Variants in ZBTB40 observed in about 807,000 individuals in gnomAD.
ZBTB40 encodes zinc finger and BTB domain containing 40.
ZBTB40 carries 60 observed loss-of-function variants against 117.5 expected under a neutral mutation model. The ratio of observed to expected loss-of-function variants is 0.51; its 90% CI spans 0.41 to 0.63. ZBTB40 has a LOEUF of 0.63. ZBTB40 is among the 30% of genes least tolerant of loss of function. The probability of loss-of-function intolerance (pLI) is 0.00; values close to 1 mark genes in which losing one functional copy is unlikely to be tolerated. For synonymous variants in ZBTB40, 525 were observed against 577.1 expected (o/e 0.91, Z 1.29); for missense variants, 1,287 against 1,498.5 (o/e 0.86, Z 2.33).
At chr1:22,436,707 C>A (rs770642970) in intron 1 of ZBTB40, among the ~76,000 whole-genome samples, 2 of 151,908 alleles carry the variant, frequency 1.3e-5, no homozygotes, top group Non-Finnish European at 2.9e-5. Flanking sequence ...ACCTCAACTA[C>A]GTTATGCTGA....
At chr1:22,477,128 C>T (rs1641569461) in intron 1 of ZBTB40, among the ~76,000 whole-genome samples, 1 of 152,112 alleles carries the variant, frequency 6.6e-6, no homozygotes, top group Non-Finnish European at 1.5e-5. Context: ...GTGTATCCCT[C>T]ATGATTATAT....
intron 1 of ZBTB40, among the ~76,000 whole-genome samples, chr1:22,478,404 C>T (rs534996354): frequency 6.6e-5 from 10 of 152,104 alleles, no homozygotes; most frequent in East Asian, 1.9e-4. Context: ...CCTGCTACCA[C>T]GTCCGGCTAA....
At chr1:22,467,776 GTTTTTTT>G (rs35900750) in intron 1 of ZBTB40, among the ~76,000 whole-genome samples, 3 of 130,480 alleles carry the variant, frequency 2.3e-5, no homozygotes, top group Admixed American at 7.7e-5. Flanking sequence ...TGTCAGGCCT[GTTTTTTT>G]TTTTTTTTTT....
intron 17 of ZBTB40, among the ~76,000 whole-genome samples, chr1:22,524,927 C>T (rs748781075): frequency 3.9e-5 from 6 of 152,218 alleles, no homozygotes; most frequent in Non-Finnish European, 8.8e-5. Context: ...CTTCCCTTTG[C>T]TTCCCAGATC....
At chr1:22,481,780 G>A (rs376241193) in intron 1 of ZBTB40, among the ~76,000 whole-genome samples, 8 of 23,040 alleles carry the variant, frequency 3.5e-4, no homozygotes, top group African/African-American at 8.3e-4. Context: ...CTTATGTCTT[G>A]TTTTACCAAA....
Position 22,528,056 on chromosome 1 carries a change from C to T in ZBTB40, c.*1660C>T, listed in dbSNP as rs1245082559. 1.3e-5 allele frequency: 2 copies of T among 152,794 alleles called. No homozygotes were observed. Among genetic ancestry groups the T allele is most frequent in the Non-Finnish European group, 2.9e-5 (2 of 68,062 alleles). The allele number at this position is 152,794 out of a possible 1,614,324, so 9.5% of individuals were successfully genotyped here. A position where few individuals can be genotyped will look rare whatever the true frequency, so the allele number is the denominator to read the frequency against. Reference sequence around the variant, plus strand: ...GAAGTTTCTAAAGCAGAGTCGGCCTCAGAAGCCAAAAACTGACCAGAAGAT... The same window carrying T: ...GAAGTTTCTAAAGCAGAGTCGGCCTTAGAAGCCAAAAACTGACCAGAAGAT... On this transcript the variant is annotated 3_prime_UTR_variant, in exon 18 of 18. Coordinates refer to ENST00000375647, the MANE Select transcript of ZBTB40 (RefSeq NM_014870.4).
intron 1 of ZBTB40, among the ~76,000 whole-genome samples, chr1:22,485,455 A>G (rs1259178548): frequency 1.3e-5 from 2 of 152,176 alleles, no homozygotes; most frequent in Admixed American, 6.5e-5. Context: ...TTTAATGTAT[A>G]TGGGGTATAC....
intron 1 of ZBTB40, among the ~76,000 whole-genome samples, chr1:22,444,806 C>T (rs779066496): frequency 6.6e-6 from 1 of 152,194 alleles, no homozygotes; most frequent in African/African-American, 2.4e-5. Flanking sequence ...GGTCAAACCA[C>T]GTATTTGAAT....
In ZBTB40 at chr1:22,506,164, C is replaced by A. The variant is rs1435113991; in HGVS notation, c.1283C>A (p.Ala428Asp). The A allele has an allele frequency of 6.2e-7, 1 of 1,614,126 alleles. No individual in the cohort carries two copies. Among genetic ancestry groups the A allele is most frequent in the Non-Finnish European group, 8.5e-7 (1 of 1,180,010 alleles). Residue 428 changes from alanine to aspartate, a missense_variant, in exon 6 of 18, where the codon GCT becomes GAT. Around this residue, in one of 2 missense-constraint regions of ZBTB40, gnomAD observed 870 missense variants for 934.4 expected, o/e 0.93. Transcript: ENST00000375647. Reference sequence around the variant, plus strand: ...GAGGGTTTGGTAAAACTCCTCCAGGCTGTGAAGACGACTTTCCCAAACCTG... The same window carrying A: ...GAGGGTTTGGTAAAACTCCTCCAGGATGTGAAGACGACTTTCCCAAACCTG... ...TAEGLVKLLQAVKTTFPNLGL... is the reference protein window; with the variant it reads ...TAEGLVKLLQDVKTTFPNLGL...
chr1:22,492,839 A>G (rs1638670291), intron 3 of ZBTB40, among the ~76,000 whole-genome samples: 1 of 152,190 alleles, frequency 6.6e-6, no homozygotes, highest in South Asian at 2.1e-4. Context: ...GAAGGACATT[A>G]TGGTTTTATA....
Position 22,526,459 on chromosome 1 carries a change from C to T in ZBTB40, c.*63C>T. On this transcript the variant is annotated 3_prime_UTR_variant, in exon 18 of 18. Coordinates refer to ENST00000375647, the MANE Select transcript of ZBTB40 (RefSeq NM_014870.4). ...GCAGAGAGGAGGCCCCACAGCTTGC[C>T]CTTTGCCCTCCATCCCTGGCTGTCC... 2.5e-6 allele frequency: 4 copies of T among 1,602,316 alleles called. No homozygotes were observed. The South Asian group carries it at 3.3e-5, about 13-fold the overall frequency.
chr1:22,472,810 G>A (rs1641443395), intron 1 of ZBTB40, among the ~76,000 whole-genome samples: 1 of 152,208 alleles, frequency 6.6e-6, no homozygotes, highest in Admixed American at 6.5e-5. Context: ...CCTGGCACAG[G>A]ATCCTGTTAG....
chr1:22,514,615 A>G (rs1639328496), intron 12 of ZBTB40, among the ~76,000 whole-genome samples: 2 of 151,528 alleles, frequency 1.3e-5, no homozygotes, highest in South Asian at 4.2e-4. Flanking sequence ...ACTCACACTT[A>G]CCTTCTCTGT....
Position 22,513,164 on chromosome 1 carries a change from C to T in ZBTB40, c.2668+34C>T. ...GGGCACAGTTCATTTCTCCTGCAGA[C>T]TTTCACTGCGAACTGCCTAAACCCC... On this transcript the variant is annotated intron_variant, in intron 12 of 17. Transcript: ENST00000375647. This position sits in a 1 kb window ranked among gnomAD's most constrained non-coding sequence, Gnocchi z 4.9. 1 of 1,603,596 alleles carries T rather than the reference C, an allele frequency of 6.2e-7. No homozygotes were observed. The highest frequency in any genetic ancestry group is 2.2e-5 in the East Asian group (1 of 44,584).
At chr1:22,500,733 TGA>T (rs1638907283) in intron 3 of ZBTB40, among the ~76,000 whole-genome samples, 1 of 152,236 alleles carries the variant, frequency 6.6e-6, no homozygotes, top group African/African-American at 2.4e-5. Context: ...CCCTTCAGGC[TGA>T]AAGCAGTCAT....
chr1:22,522,508 G>A (rs766170952), intron 16 of ZBTB40, 45 bp downstream of exon 16: 1 of 1,589,666 alleles, frequency 6.3e-7, no homozygotes, highest in South Asian at 1.1e-5. Context: ...CTCGGGGCCT[G>A]AATCTCCCCT....
At position 22,486,727 on chromosome 1, in the gene ZBTB40, G is replaced by T. The variant is rs199928115; in HGVS notation, c.-69-3153G>T. On this transcript the variant is annotated intron_variant, in intron 1 of 17. Coordinates refer to ENST00000375647, the MANE Select transcript of ZBTB40 (RefSeq NM_014870.4). ...TTTGTTCATACATTTTTTTTGTTTT[G>T]TTTTGTTTTGTTTTGTTTTGTTTTT... is the stretch of plus-strand genomic sequence containing the variant. Among the ~76,000 whole-genome samples the T allele has an allele frequency of 1.2e-3, 17 of 14,518 alleles. No homozygotes were observed. The African/African-American group carries it at 0.024, about 21-fold the overall frequency. 9.5% of individuals were successfully genotyped at this position (14,518 alleles called of 152,430 possible).
At chr1:22,443,168 G>T (rs1273534030) in intron 1 of ZBTB40, among the ~76,000 whole-genome samples, 1 of 152,162 alleles carries the variant, frequency 6.6e-6, no homozygotes, top group Non-Finnish European at 1.5e-5. Context: ...ACCTGCTGGG[G>T]TTTTTTGATT....
At chr1:22,453,804 A>G (rs1206884165) in intron 1 of ZBTB40, among the ~76,000 whole-genome samples, 3 of 152,146 alleles carry the variant, frequency 2.0e-5, no homozygotes, top group Non-Finnish European at 2.9e-5. Context: ...TGTCTTTCCT[A>G]CTAGCTTAGG....
Sources: allele counts gnomAD v4.1 joint callset (sites outside exome capture counted in the v4.1 genomes callset), GRCh38; gene constraint gnomAD v4.1.1; regional missense constraint gnomAD v4.1.1; non-coding constraint Gnocchi (gnomAD v3.1); transcripts MANE v1.5; gene names NCBI Gene and HGNC (gene_info 2026-07-23, HGNC 2026-07-21).